CSMD1: variants seen among roughly 807,000 people sequenced by gnomAD.
CSMD1 encodes the protein CUB and Sushi multiple domains 1.
In CSMD1, 213 loss-of-function variants were observed where a neutral mutation model predicts 417.5. That is an observed-to-expected ratio of 0.51 (90% confidence interval 0.46 to 0.57). The LOEUF (loss-of-function observed/expected upper bound fraction) is 0.57. Ranked by LOEUF, CSMD1 falls within the 20% of genes least tolerant of loss-of-function variation. CSMD1 has a pLI of 0.00. For synonymous variants in CSMD1, 2,862 were observed against 1,736.8 expected, an observed-to-expected ratio of 1.65 and a Z score of -16.11; for missense variants, 6,923 against 4,529.7, an observed-to-expected ratio of 1.53 and a Z score of -15.17.
intron 40 of CSMD1, among the ~76,000 whole-genome samples, chr8:3,146,159 C>T (rs538398223): frequency 3.5e-4 from 53 of 152,212 alleles, no homozygotes; most frequent in Non-Finnish European, 6.3e-4. Flanking sequence ...GCATTGTGTG[C>T]ACTATTAGTG....
chr8:4,069,667 C>G (rs961018793), intron 3 of CSMD1, among the ~76,000 whole-genome samples: 10 of 152,164 alleles, frequency 6.6e-5, no homozygotes, highest in African/African-American at 2.2e-4. Context: ...GCTCCTGTTT[C>G]TCCGACTGGA....
At chr8:4,344,612 A>G (rs566828347) in intron 3 of CSMD1, among the ~76,000 whole-genome samples, 7 of 151,882 alleles carry the variant, frequency 4.6e-5, no homozygotes, top group Admixed American at 1.3e-4. Context: ...TATGAGTTAC[A>G]CTACCGCTAT....
chr8:3,855,876 T>G (rs13274005), intron 5 of CSMD1, among the ~76,000 whole-genome samples: 2 of 152,072 alleles, frequency 1.3e-5, no homozygotes, highest in African/African-American at 2.4e-5. Context: ...TTTGGAAACA[T>G]TGTCTTATTT....
chr8:4,035,110 C>T (rs1052644133), intron 3 of CSMD1, among the ~76,000 whole-genome samples: 1 of 152,122 alleles, frequency 6.6e-6, no homozygotes, highest in Non-Finnish European at 1.5e-5. Context: ...TGTGAGCTGC[C>T]TAACAACAGC....
intron 49 of CSMD1, among the ~76,000 whole-genome samples, chr8:3,060,070 G>A (rs923396729): frequency 6.6e-6 from 1 of 152,036 alleles, no homozygotes; most frequent in Admixed American, 6.6e-5. Context: ...AGTACTTTCC[G>A]GCTCTTTCTA....
chr8:4,317,655 C>T (rs186172404), intron 3 of CSMD1, among the ~76,000 whole-genome samples: 2 of 152,028 alleles, frequency 1.3e-5, no homozygotes, highest in Non-Finnish European at 2.9e-5. Context: ...TACTGACAAG[C>T]AGGAAGTTTA....
chr8:3,750,975 G>C (rs928992421), intron 6 of CSMD1, among the ~76,000 whole-genome samples: 33 of 152,030 alleles, frequency 2.2e-4, no homozygotes, highest in African/African-American at 6.8e-4. Flanking sequence ...CCTTCTGATG[G>C]GTCTTGTCAT....
At chr8:3,703,689 G>A (rs1017655500) in intron 7 of CSMD1, among the ~76,000 whole-genome samples, 29 of 152,268 alleles carry the variant, frequency 1.9e-4, no homozygotes, top group South Asian at 6.2e-4. Flanking sequence ...GGATGTGCAC[G>A]ACTTCCAAAC....
intron 2 of CSMD1, among the ~76,000 whole-genome samples, chr8:4,428,604 T>A (rs569422018): frequency 6.6e-6 from 1 of 152,208 alleles, no homozygotes; most frequent in Non-Finnish European, 1.5e-5. Context: ...TAATACTAGA[T>A]GTGCTCAAGT....
chr8:3,091,311 A>C (rs1814929166), intron 48 of CSMD1, among the ~76,000 whole-genome samples: 2 of 152,144 alleles, frequency 1.3e-5, no homozygotes, highest in Admixed American at 1.3e-4. Flanking sequence ...TTAACAATAA[A>C]ATTCTAAATA....
At chr8:4,288,167 A>T (rs1378816387) in intron 3 of CSMD1, among the ~76,000 whole-genome samples, 1 of 152,146 alleles carries the variant, frequency 6.6e-6, no homozygotes, top group African/African-American at 2.4e-5. Context: ...AACACTAGAG[A>T]GTAGAACACT....
At chr8:4,461,610 G>T (rs920808176) in intron 2 of CSMD1, among the ~76,000 whole-genome samples, 1 of 151,818 alleles carries the variant, frequency 6.6e-6, no homozygotes, top group Non-Finnish European at 1.5e-5. Flanking sequence ...AAATGCAGTG[G>T]TACAATCTCA....
intron 1 of CSMD1, among the ~76,000 whole-genome samples, chr8:4,800,716 A>T (rs370372815): frequency 1.4e-4 from 22 of 152,294 alleles, no homozygotes; most frequent in African/African-American, 5.3e-4. Context: ...CCCTCATTCC[A>T]GAGCTGCATT....
intron 37 of CSMD1, among the ~76,000 whole-genome samples, chr8:3,168,631 T>TCTCACACA (rs139915805): frequency 1.3e-5 from 2 of 148,914 alleles, no homozygotes; most frequent in African/African-American, 2.5e-5. Flanking sequence ...TAAGTCTTCA[T>TCTCACACA]CACACACACA....
At chr8:4,536,818 C>T (rs980041427) in intron 2 of CSMD1, among the ~76,000 whole-genome samples, 4 of 152,160 alleles carry the variant, frequency 2.6e-5, no homozygotes, top group Non-Finnish European at 5.9e-5. Flanking sequence ...TAACATGCGG[C>T]CAAATTTCCT....
intron 26 of CSMD1, among the ~76,000 whole-genome samples, chr8:3,231,218 A>C (rs1009779977): frequency 1.3e-5 from 2 of 152,206 alleles, no homozygotes; most frequent in Admixed American, 1.3e-4. Flanking sequence ...GTACTCCTGA[A>C]AAATCCAAAG....
At chr8:4,599,558 AT>A (rs1050149052) in intron 2 of CSMD1, among the ~76,000 whole-genome samples, 20 of 152,242 alleles carry the variant, frequency 1.3e-4, no homozygotes, top group Admixed American at 2.6e-4. Flanking sequence ...ACAAAAAAAA[AT>A]CTCATTGATA....
intron 3 of CSMD1, among the ~76,000 whole-genome samples, chr8:4,249,993 G>A (rs1765106272): frequency 6.6e-6 from 1 of 152,048 alleles, no homozygotes; most frequent in African/African-American, 2.4e-5. Flanking sequence ...GGGACCTACT[G>A]GGAAGTGTTT....
chr8:3,454,141 C>CT (rs923818296), intron 12 of CSMD1, among the ~76,000 whole-genome samples: 42 of 152,114 alleles, frequency 2.8e-4, no homozygotes, highest in East Asian at 7.7e-4. Flanking sequence ...CAACCCCTGC[C>CT]TTTTTTTGTT....
Sources: gnomAD v4.1 joint callset for allele counts (sites outside exome capture counted in the v4.1 genomes callset) on GRCh38, gnomAD v4.1.1 for gene constraint, MANE v1.5 for transcripts, NCBI Gene and HGNC (gene_info 2026-07-23, HGNC 2026-07-21) for gene names.